PDK1: variants seen among roughly 807,000 people sequenced by gnomAD.
PDK1 encodes the protein pyruvate dehydrogenase kinase 1.
A neutral mutation model predicts 54.2 loss-of-function variants in PDK1; 39 were observed. The observed-to-expected ratio is 0.72, with a 90% CI of 0.56 to 0.94. The LOEUF is 0.94. Ranked by LOEUF, PDK1 falls within the 40% of genes least tolerant of loss-of-function variation. PDK1 has a pLI of 0.00. For missense variants in PDK1, 552 were observed against 566.0 expected (o/e 0.98, Z 0.25); for synonymous variants, 221 against 207.1 (o/e 1.07, Z -0.58).
At chr2:172,710,747 G>A in the PDK1 span, among the ~76,000 whole-genome samples, 18 of 152,222 alleles carry the variant, frequency 1.2e-4, no homozygotes, top group Admixed American at 1.2e-3. Flanking sequence ...CTACAGACAG[G>A]TAGTTCTCAA....
At chr2:172,592,521 C>T (rs997810039) in intron 9 of PDK1, among the ~76,000 whole-genome samples, 2 of 152,126 alleles carry the variant, frequency 1.3e-5, no homozygotes, top group Admixed American at 6.5e-5. Flanking sequence ...GTCTCTTTCT[C>T]TCTTTCCTTT....
At position 172,596,910 on chromosome 2, in the gene PDK1, A is replaced by G. The variant is rs1207623754; in HGVS notation, c.*941A>G. ...GTTGGGAACCACTCTTTCAAAGTAA[A>G]CAGTGATGACACAGCATTTGCTAAA... On this transcript the variant is annotated 3_prime_UTR_variant, in exon 11 of 11. Transcript: ENST00000282077. 1 of 152,168 alleles carries G rather than the reference A, an allele frequency of 6.6e-6. No individual in the cohort carries two copies. The highest frequency in any genetic ancestry group is 2.4e-5 in the African/African-American group (1 of 41,440). The allele number at this position is 152,168 out of a possible 1,614,324, so 9.4% of individuals were successfully genotyped here. A position where few individuals can be genotyped will look rare whatever the true frequency, so the allele number is the denominator to read the frequency against.
the PDK1 span, among the ~76,000 whole-genome samples, chr2:172,630,508 C>G: frequency 6.6e-6 from 1 of 152,224 alleles, no homozygotes; most frequent in African/African-American, 2.4e-5. Flanking sequence ...TTCATCATCA[C>G]AGAAAGCTCT....
intron 10 of PDK1, among the ~76,000 whole-genome samples, chr2:172,593,487 T>C (rs1037943383): frequency 2.6e-5 from 4 of 152,218 alleles, no homozygotes; most frequent in Non-Finnish European, 5.9e-5. Context: ...AACAAGTGCA[T>C]ACTCTTTTTG....
rs1203596997 is a variant in PDK1 at position 172,596,315 on chromosome 2, A to G, written c.*346A>G. 3 of 165,260 alleles carry G rather than the reference A, an allele frequency of 1.8e-5. No homozygotes were observed. The highest frequency in any genetic ancestry group is 3.4e-4 in the South Asian group (2 of 5,876). 10.2% of individuals were successfully genotyped at this position (165,260 alleles called of 1,614,324 possible). A position where few individuals can be genotyped will look rare whatever the true frequency, so the allele number is the denominator to read the frequency against. ...AGAAATACTTTCATTTATGTTTGCT[A>G]GAAACATTTTCTAAATGATAGTGAT... On this transcript the variant is annotated 3_prime_UTR_variant, in exon 11 of 11. Transcript: ENST00000282077.
chr2:172,656,482 G>C, the PDK1 span, among the ~76,000 whole-genome samples: 3 of 152,152 alleles, frequency 2.0e-5, no homozygotes, highest in Non-Finnish European at 2.9e-5. Flanking sequence ...TAGAGGATTG[G>C]AGTTGAGTAT....
the PDK1 span, among the ~76,000 whole-genome samples, chr2:172,695,575 T>G: frequency 6.6e-6 from 1 of 152,156 alleles, no homozygotes; most frequent in African/African-American, 2.4e-5. Flanking sequence ...GGATGGGATC[T>G]GGGACTTGCT....
intron 8 of PDK1, among the ~76,000 whole-genome samples, chr2:172,572,973 C>T (rs1689365068): frequency 6.6e-6 from 1 of 152,146 alleles, no homozygotes; most frequent in Non-Finnish European, 1.5e-5. Context: ...ATGGATATAA[C>T]ACCTTTGGGT....
chr2:172,664,336 C>CAAAAAAAAAAAAAAAAAA, the PDK1 span, among the ~76,000 whole-genome samples: 7 of 33,606 alleles, frequency 2.1e-4, no homozygotes, highest in Non-Finnish European at 3.3e-4. Context: ...AAAAAAAAAG[C>CAAAAAAAAAAAAAAAAAA]ATTGCCTTGC....
rs1356356455 is a variant in PDK1 at position 172,596,594 on chromosome 2, A to C, written c.*625A>C. 6.6e-6 allele frequency: 1 copy of C among 152,240 alleles called. No homozygotes were observed. Among genetic ancestry groups the C allele is most frequent in the East Asian group, 1.9e-4 (1 of 5,204 alleles). 9.4% of individuals were successfully genotyped at this position (152,240 alleles called of 1,614,324 possible). ...TAGCTCTCTGTGGATCTATGCCAAA[A>C]TCATGGGCCATCTTTTCTAAGTGTA... is the stretch of plus-strand genomic sequence containing the variant. On this transcript the variant is annotated 3_prime_UTR_variant, in exon 11 of 11. Coordinates refer to ENST00000282077, the MANE Select transcript of PDK1 (RefSeq NM_002610.5).
the PDK1 span, among the ~76,000 whole-genome samples, chr2:172,704,064 G>A: frequency 1.3e-4 from 20 of 152,198 alleles, 1 homozygote; most frequent in South Asian, 2.3e-3. Flanking sequence ...GTGAGCCACC[G>A]TGCCCGGCCT....
chr2:172,684,804 A>G, the PDK1 span, among the ~76,000 whole-genome samples: 1 of 152,144 alleles, frequency 6.6e-6, no homozygotes, highest in Non-Finnish European at 1.5e-5. Flanking sequence ...CCTCCTAAAT[A>G]TCTCTCAAAT....
the PDK1 span, among the ~76,000 whole-genome samples, chr2:172,634,018 G>A: frequency 4.0e-5 from 6 of 150,428 alleles, no homozygotes; most frequent in African/African-American, 1.5e-4. Context: ...TGGGATTAGA[G>A]GCACACTCCA....
chr2:172,634,280 T>TTATTATTATTATTATTATTATTAA, the PDK1 span, among the ~76,000 whole-genome samples: 1 of 148,664 alleles, frequency 6.7e-6, no homozygotes, highest in East Asian at 2.0e-4. Flanking sequence ...ATTATTATTA[T>TTATTATTATTATTATTATTATTAA]TATTATTTTG....
In PDK1 at chr2:172,606,300, C is replaced by T. The variant is rs1268927854; in HGVS notation, c.*10331C>T. On this transcript the variant is annotated 3_prime_UTR_variant, in exon 11 of 11. Coordinates refer to ENST00000282077, the MANE Select transcript of PDK1 (RefSeq NM_002610.5). ...ATCCTCTGGAAGGTAAAGAAGATCT[C>T]CTCTCTCTTAGAACTTAATCAAACT... 1 of 152,192 alleles carries T rather than the reference C, an allele frequency of 6.6e-6. No homozygotes were observed. Among genetic ancestry groups the T allele is most frequent in the African/African-American group, 2.4e-5 (1 of 41,440 alleles). The allele number at this position is 152,192 out of a possible 1,614,324, so 9.4% of individuals were successfully genotyped here.
At chr2:172,589,674 A>C (rs959097581) in intron 9 of PDK1, among the ~76,000 whole-genome samples, 1 of 152,166 alleles carries the variant, frequency 6.6e-6, no homozygotes, top group Admixed American at 6.5e-5. Flanking sequence ...GTCAAGTTAT[A>C]GTTGGTGGAG....
intron 3 of PDK1, among the ~76,000 whole-genome samples, chr2:172,563,235 A>G (rs1205388275): frequency 2.0e-5 from 3 of 152,138 alleles, no homozygotes; most frequent in Admixed American, 2.0e-4. Context: ...GCTGTGGAAA[A>G]TAAGTAGTCA....
At chr2:172,557,656 TAA>T (rs1553476262) in intron 1 of PDK1, among the ~76,000 whole-genome samples, 9 of 150,776 alleles carry the variant, frequency 6.0e-5, no homozygotes, top group Non-Finnish European at 1.0e-4. Flanking sequence ...TATTTTTTTT[TAA>T]AAATAGAAAT....
chr2:172,609,615 G>A (rs1453625284), downstream of PDK1, among the ~76,000 whole-genome samples: 1 of 152,192 alleles, frequency 6.6e-6, no homozygotes, highest in Non-Finnish European at 1.5e-5. Context: ...AATGCTCTGA[G>A]GAAGGAAATG....
Sources: gnomAD v4.1 joint callset for allele counts (sites outside exome capture counted in the v4.1 genomes callset) on GRCh38, gnomAD v4.1.1 for gene constraint, MANE v1.5 for transcripts, NCBI Gene and HGNC (gene_info 2026-07-23, HGNC 2026-07-21) for gene names.